LDLRAD4: variants seen among roughly 807,000 people sequenced by gnomAD.
LDLRAD4 encodes the protein low density lipoprotein receptor class A domain containing 4.
LDLRAD4 carries 5 observed loss-of-function variants against 17.0 expected under a neutral mutation model. The observed-to-expected ratio is 0.29, with a 90% confidence interval of 0.15 to 0.62. The LOEUF is 0.62. Among genes scored for constraint, LDLRAD4 ranks in the 20% least tolerant of loss-of-function variants. The pLI is 0.84. For missense variants in LDLRAD4, 340 were observed against 424.7 expected (o/e 0.80, Z 1.75); for synonymous variants, 168 against 171.8 (o/e 0.98, Z 0.17).
intron 2 of LDLRAD4, among the ~76,000 whole-genome samples, chr18:13,427,631 T>C (rs1170225029): frequency 6.6e-6 from 1 of 152,210 alleles, no homozygotes; most frequent in Non-Finnish European, 1.5e-5. Context: ...AGAGAGAACA[T>C]TGTGATTTAG....
intron 3 of LDLRAD4, among the ~76,000 whole-genome samples, chr18:13,557,328 T>C (rs2094494312): frequency 6.6e-6 from 1 of 152,268 alleles, no homozygotes; most frequent in African/African-American, 2.4e-5. Flanking sequence ...CTAGACTTTG[T>C]CTTCACTTTG....
chr18:13,331,645 A>C (rs945524702), intron 1 of LDLRAD4, among the ~76,000 whole-genome samples: 1 of 152,150 alleles, frequency 6.6e-6, no homozygotes, highest in African/African-American at 2.4e-5. Flanking sequence ...CTATGTTTTC[A>C]TTTCCTAAAT....
chr18:13,344,164 A>G (rs1255791699), intron 1 of LDLRAD4, among the ~76,000 whole-genome samples: 1 of 152,214 alleles, frequency 6.6e-6, no homozygotes, highest in African/African-American at 2.4e-5. Flanking sequence ...GCCCATGCCT[A>G]CGTCCTGAAT....
intron 4 of LDLRAD4, among the ~76,000 whole-genome samples, chr18:13,626,722 C>T (rs141518827): frequency 6.6e-6 from 1 of 152,244 alleles, no homozygotes; most frequent in Admixed American, 6.5e-5. Context: ...CAGGCCCCAC[C>T]CAGCACAGCT....
At chr18:13,378,640 TCTATC>T (rs1324370158) in intron 1 of LDLRAD4, among the ~76,000 whole-genome samples, 1 of 152,212 alleles carries the variant, frequency 6.6e-6, no homozygotes, top group Non-Finnish European at 1.5e-5. Context: ...ATCAAGAGCC[TCTATC>T]TTTTTCCTTT....
intron 1 of LDLRAD4, among the ~76,000 whole-genome samples, chr18:13,290,783 CATTA>C (rs1266817113): frequency 6.6e-6 from 1 of 152,180 alleles, no homozygotes; most frequent in Admixed American, 6.5e-5. Flanking sequence ...ACCTTTTATC[CATTA>C]ATTTAAATCA....
At chr18:13,625,264 T>A (rs1311452889) in intron 4 of LDLRAD4, among the ~76,000 whole-genome samples, 1 of 152,184 alleles carries the variant, frequency 6.6e-6, no homozygotes, top group Non-Finnish European at 1.5e-5. Flanking sequence ...TTCTAGGTGA[T>A]TAGGCTTCAC....
chr18:13,642,189 C>T (rs1226217891), intron 4 of LDLRAD4: 41 of 985,548 alleles, frequency 4.2e-5, no homozygotes, highest in Non-Finnish European at 4.8e-5. Context: ...CCGTGTTGGA[C>T]AAACGCGGGG....
intron 3 of LDLRAD4, among the ~76,000 whole-genome samples, chr18:13,593,183 T>A (rs1165886502): frequency 6.6e-6 from 1 of 152,048 alleles, no homozygotes; most frequent in East Asian, 1.9e-4. Context: ...CATGGTGGTG[T>A]GTGCCTGTAA....
intron 3 of LDLRAD4, among the ~76,000 whole-genome samples, chr18:13,481,790 G>A (rs976683224): frequency 6.6e-6 from 1 of 152,210 alleles, no homozygotes; most frequent in Non-Finnish European, 1.5e-5. Context: ...TAGGAAGGGA[G>A]GATGGTTAGA....
chr18:13,459,001 A>G (rs2092290451), intron 3 of LDLRAD4, among the ~76,000 whole-genome samples: 1 of 152,172 alleles, frequency 6.6e-6, no homozygotes, highest in African/African-American at 2.4e-5. Context: ...CCCAACCTGT[A>G]GAACTGTAAA....
chr18:13,637,664 G>A lies in LDLRAD4; in HGVS notation c.337-5695G>A, dbSNP rs538920039. Among the ~76,000 whole-genome samples the A allele has an allele frequency of 4.0e-5, 6 of 151,874 alleles. No homozygotes were observed. In the East Asian group the frequency reaches 1.2e-3, roughly 29 times the overall value. ...GTGGATCACTTGAGGTCAGGAGTTC[G>A]AGACAAACCTGGCCAACATGGTGAA... On this transcript the variant is annotated intron_variant, in intron 4 of 5. Coordinates refer to ENST00000359446, the Ensembl canonical transcript of LDLRAD4.
At chr18:13,435,912 A>G (rs762855069) in intron 2 of LDLRAD4, among the ~76,000 whole-genome samples, 32 of 152,384 alleles carry the variant, frequency 2.1e-4, no homozygotes, top group Admixed American at 7.2e-4. Flanking sequence ...GCCCATTACA[A>G]GTGAGTCTCT....
intron 3 of LDLRAD4, chr18:13,526,332 G>A (rs1429484846): frequency 3.3e-5 from 5 of 152,166 alleles, no homozygotes; most frequent in African/African-American, 1.2e-4. Context: ...GTGTGGAAGG[G>A]ATTTTTATAA....
intron 3 of LDLRAD4, among the ~76,000 whole-genome samples, chr18:13,458,196 C>T (rs956318620): frequency 2.6e-5 from 4 of 152,080 alleles, no homozygotes; most frequent in Admixed American, 6.5e-5. Flanking sequence ...GAGCAGGAGC[C>T]GTGGAGGGGT....
chr18:13,503,547 G>A (rs1037320443), intron 3 of LDLRAD4, among the ~76,000 whole-genome samples: 1 of 152,154 alleles, frequency 6.6e-6, no homozygotes, highest in Non-Finnish European at 1.5e-5. Flanking sequence ...GAGGAGAGAG[G>A]ACCAGAAGGG....
intron 3 of LDLRAD4, among the ~76,000 whole-genome samples, chr18:13,545,856 A>G (rs58299713): frequency 0.11 from 16,363 of 152,240 alleles, 937 homozygotes; most frequent in Middle Eastern, 0.12. Context: ...GGCAGGATGG[A>G]GGCTGGGAAG....
intron 3 of LDLRAD4, among the ~76,000 whole-genome samples, chr18:13,463,696 G>T (rs1049040002): frequency 6.6e-6 from 1 of 152,092 alleles, no homozygotes; most frequent in African/African-American, 2.4e-5. Context: ...AGCACCTTGG[G>T]GCTTCACAGA....
At chr18:13,234,585 G>C (rs1243198129) in intron 1 of LDLRAD4, among the ~76,000 whole-genome samples, 1 of 152,170 alleles carries the variant, frequency 6.6e-6, no homozygotes, top group Admixed American at 6.5e-5. Flanking sequence ...GCCAACTTCT[G>C]GGTGGGCACC....
Sources: gnomAD v4.1 joint callset for allele counts (sites outside exome capture counted in the v4.1 genomes callset) on GRCh38, gnomAD v4.1.1 for gene constraint, MANE v1.5 for transcripts, NCBI Gene and HGNC (gene_info 2026-07-23, HGNC 2026-07-21) for gene names.